Variants in SBF2 observed in about 807,000 individuals in gnomAD.
SBF2 encodes myotubularin-related protein 13.
In SBF2, 112 loss-of-function variants were observed where a neutral mutation model predicts 225.2. The ratio of observed to expected loss-of-function variants is 0.50; its 90% CI spans 0.43 to 0.58. The LOEUF is 0.58. Among genes scored for constraint, SBF2 ranks in the 20% least tolerant of loss-of-function variants. The pLI is 0.00. For synonymous variants in SBF2, 763 were observed against 773.3 expected (o/e 0.99, Z 0.22); for missense variants, 1,996 against 2,206.2 (o/e 0.90, Z 1.91).
At chr11:10,004,185 A>G (rs1948090760) in intron 6 of SBF2, among the ~76,000 whole-genome samples, 2 of 152,204 alleles carry the variant, frequency 1.3e-5, no homozygotes, top group South Asian at 4.1e-4. Flanking sequence ...TTTCTAGAAT[A>G]ATGGAAAAAA....
intron 6 of SBF2, among the ~76,000 whole-genome samples, chr11:10,022,257 T>G (rs1203996532): frequency 6.6e-6 from 1 of 152,098 alleles, no homozygotes; most frequent in East Asian, 1.9e-4. Flanking sequence ...GAAAAAAGCA[T>G]AGGATAGAAT....
chr11:10,212,663 C>T (rs1028519149), intron 1 of SBF2, among the ~76,000 whole-genome samples: 5 of 152,192 alleles, frequency 3.3e-5, no homozygotes, highest in African/African-American at 1.2e-4. Context: ...AAGATCAAGA[C>T]CTTAGTGAGC....
chr11:9,838,379 A>G (rs1166373310), intron 26 of SBF2: 1 of 152,080 alleles, frequency 6.6e-6, no homozygotes, highest in East Asian at 1.9e-4. Context: ...TGTTTTCTCA[A>G]TGGCTGGCAT....
chr11:10,122,011 A>C (rs151102461), intron 2 of SBF2, among the ~76,000 whole-genome samples: 354 of 152,308 alleles, frequency 2.3e-3, no homozygotes, highest in African/African-American at 7.6e-3. Context: ...TAATGTCCCC[A>C]AAGTACAAGA....
At chr11:10,248,239 C>T (rs1421360815) in intron 1 of SBF2, among the ~76,000 whole-genome samples, 6 of 152,090 alleles carry the variant, frequency 3.9e-5, no homozygotes, top group Non-Finnish European at 8.8e-5. Context: ...AGTAAAATGA[C>T]TGGTCATTTA....
At chr11:9,814,033 A>ATATT (rs1171328655) in intron 29 of SBF2, among the ~76,000 whole-genome samples, 5 of 152,144 alleles carry the variant, frequency 3.3e-5, no homozygotes, top group Admixed American at 2.0e-4. Flanking sequence ...GTATCAACCT[A>ATATT]TATTTATTTG....
At chr11:10,152,168 A>G (rs1460459663) in intron 2 of SBF2, among the ~76,000 whole-genome samples, 6 of 152,216 alleles carry the variant, frequency 3.9e-5, no homozygotes, top group African/African-American at 1.4e-4. Context: ...AATCCAATTT[A>G]TCTTAAAACA....
chr11:10,010,467 T>G (rs188439342), intron 6 of SBF2, among the ~76,000 whole-genome samples: 1 of 152,344 alleles, frequency 6.6e-6, no homozygotes, highest in East Asian at 1.9e-4. Flanking sequence ...GCTAGCCAGT[T>G]TTCCCAACAC....
At chr11:9,966,949 G>A (rs947856751) in intron 14 of SBF2, among the ~76,000 whole-genome samples, 6 of 152,086 alleles carry the variant, frequency 3.9e-5, no homozygotes, top group Non-Finnish European at 8.8e-5. Flanking sequence ...ACAAAATCTT[G>A]CACATAAATG....
intron 2 of SBF2, among the ~76,000 whole-genome samples, chr11:10,159,042 T>A (rs1955599261): frequency 6.6e-6 from 1 of 150,600 alleles, no homozygotes; most frequent in African/African-American, 2.4e-5. Flanking sequence ...TCATATTCAA[T>A]GACAAAAAGC....
chr11:10,061,997 C>T (rs1470566298), intron 2 of SBF2, among the ~76,000 whole-genome samples: 1 of 151,970 alleles, frequency 6.6e-6, no homozygotes, highest in Non-Finnish European at 1.5e-5. Flanking sequence ...AGCACAGACA[C>T]ACAGACCAAT....
intron 1 of SBF2, among the ~76,000 whole-genome samples, chr11:10,230,895 T>C (rs11042679): frequency 0.39 from 59,973 of 151,930 alleles, 12,888 homozygotes; most frequent in Non-Finnish European, 0.48. Flanking sequence ...GATAATATCC[T>C]GCAGAGTGTT....
In SBF2 at chr11:10,210,493, G is replaced by T. The variant is rs543623019; in HGVS notation, c.56-16506C>A. Reference sequence around the variant, plus strand: ...CACATGATTACACCCAATAGCAAGGGAGTCTCTTAGTCTCTTAGACAATTG... The same window carrying T: ...CACATGATTACACCCAATAGCAAGGTAGTCTCTTAGTCTCTTAGACAATTG... On this transcript the variant is annotated intron_variant, in intron 1 of 39. Transcript: ENST00000256190. Among the ~76,000 whole-genome samples the T allele has an allele frequency of 2.6e-5, 4 of 152,252 alleles. No individual in the cohort carries two copies. The South Asian group carries it at 8.3e-4, about 31-fold the overall frequency.
At chr11:9,966,877 A>G (rs1410993056) in intron 14 of SBF2, among the ~76,000 whole-genome samples, 2 of 152,210 alleles carry the variant, frequency 1.3e-5, no homozygotes, top group Non-Finnish European at 2.9e-5. Flanking sequence ...ACATAGAATT[A>G]CCATATGACC....
At chr11:10,223,234 A>G (rs80077707) in intron 1 of SBF2, among the ~76,000 whole-genome samples, 11,028 of 150,926 alleles carry the variant, frequency 0.073, 583 homozygotes, top group East Asian at 0.29. Context: ...TGTCATTTTT[A>G]TCTTCTAAAT....
chr11:9,914,527 CA>C (rs1862910258), intron 16 of SBF2, among the ~76,000 whole-genome samples: 1 of 152,096 alleles, frequency 6.6e-6, no homozygotes, highest in South Asian at 2.1e-4. Context: ...ACACACTTCA[CA>C]AAAAATATGT....
At chr11:9,860,097 T>G (rs1030583251) in intron 17 of SBF2, among the ~76,000 whole-genome samples, 2 of 152,076 alleles carry the variant, frequency 1.3e-5, no homozygotes, top group Admixed American at 6.6e-5. Flanking sequence ...GTTTTGTGAG[T>G]GCGTAAGCAG....
At chr11:10,294,331 T>A, upstream of SBF2, 1 of 329,896 alleles carries the variant, frequency 3.0e-6, no homozygotes, top group Non-Finnish European at 5.5e-6. Context: ...CCTCGCGGAC[T>A]GCTGCGCTGG....
At chr11:10,240,027 G>T (rs572307611) in intron 1 of SBF2, among the ~76,000 whole-genome samples, 3 of 152,050 alleles carry the variant, frequency 2.0e-5, no homozygotes, top group Non-Finnish European at 4.4e-5. Context: ...CTAAGTATAA[G>T]GTGAGTCCCA....
Sources: allele counts gnomAD v4.1 joint callset (sites outside exome capture counted in the v4.1 genomes callset), GRCh38; gene constraint gnomAD v4.1.1; transcripts MANE v1.5; gene names NCBI Gene and HGNC (gene_info 2026-07-23, HGNC 2026-07-21).